The following GLIS3 variants were observed in gnomAD, a reference collection of about 807,000 sequenced individuals.
GLIS3 encodes GLIS family zinc finger 3, also known as zinc finger protein GLIS3.
Under a neutral mutation model 78.6 loss-of-function variants are expected in GLIS3, and 53 were observed. The observed-to-expected ratio is 0.67, with a 90% confidence interval of 0.54 to 0.85. The LOEUF (loss-of-function observed/expected upper bound fraction) is 0.85, where lower values mean the gene tolerates loss of function less well. Among genes scored for constraint, GLIS3 ranks in the 40% least tolerant of loss-of-function variants. The pLI is 0.00. For synonymous variants in GLIS3, 684 were observed against 509.9 expected (o/e 1.34, Z -4.60); for missense variants, 1,703 against 1,231.1 (o/e 1.38, Z -5.74).
the GLIS3 span, among the ~76,000 whole-genome samples, chr9:4,421,276 G>T: frequency 6.6e-6 from 1 of 152,204 alleles, no homozygotes; most frequent in Non-Finnish European, 1.5e-5. Flanking sequence ...GGACAGGAAA[G>T]GGGGTCCATC....
At chr9:4,472,377 A>G in the GLIS3 span, among the ~76,000 whole-genome samples, 3 of 152,236 alleles carry the variant, frequency 2.0e-5, no homozygotes, top group Non-Finnish European at 4.4e-5. Flanking sequence ...TCAATGATAG[A>G]CTGAATTAAG....
rs533455546 is a variant in GLIS3 at position 4,333,582 on chromosome 9, C to G, written n.264+13499G>C. 1.1e-4 allele frequency among the ~76,000 whole-genome samples: 16 copies of G among 152,218 alleles called. No homozygotes were observed. The South Asian group carries it at 3.1e-3, about 30-fold the overall frequency. ...AGTTTCCCAAATTTGATACATGAAA[C>G]AATAGTTCAGAAAAGTGACCTATTC... On this transcript the variant is annotated intron_variant and non_coding_transcript_variant, in intron 2 of 4. Transcript: ENST00000471664.
intron 2 of GLIS3, among the ~76,000 whole-genome samples, chr9:4,232,396 AAAAAAG>A (rs1484636424): frequency 2.7e-5 from 4 of 150,370 alleles, no homozygotes; most frequent in East Asian, 1.9e-4. Context: ...AAAAAAAAAA[AAAAAAG>A]AAAAGAAAAA....
the GLIS3 span, among the ~76,000 whole-genome samples, chr9:4,366,745 G>A: frequency 6.6e-6 from 1 of 152,176 alleles, no homozygotes. Context: ...GTAAGTTCTG[G>A]ACATATGGTT....
At chr9:4,448,741 C>A in the GLIS3 span, among the ~76,000 whole-genome samples, 1 of 152,180 alleles carries the variant, frequency 6.6e-6, no homozygotes, top group South Asian at 2.1e-4. Flanking sequence ...ATCCCTAGCA[C>A]CATGCTGAAT....
At chr9:4,472,705 A>C in the GLIS3 span, among the ~76,000 whole-genome samples, 2 of 152,156 alleles carry the variant, frequency 1.3e-5, no homozygotes, top group African/African-American at 4.8e-5. Context: ...ATGTACACCT[A>C]TGTAACAAAC....
intron 4 of GLIS3, among the ~76,000 whole-genome samples, chr9:4,001,690 GTCA>G (rs1280147199): frequency 1.3e-5 from 2 of 152,142 alleles, no homozygotes; most frequent in South Asian, 2.1e-4. Flanking sequence ...TAAGCAGTCA[GTCA>G]TCATATCTGC....
the GLIS3 span, among the ~76,000 whole-genome samples, chr9:4,422,108 G>A: frequency 3.3e-5 from 5 of 152,304 alleles, no homozygotes; most frequent in Non-Finnish European, 7.4e-5. Flanking sequence ...CACCGCTCAA[G>A]AATTATGGTA....
the GLIS3 span, among the ~76,000 whole-genome samples, chr9:4,448,876 C>T: frequency 0.01 from 1,565 of 152,310 alleles, 26 homozygotes; most frequent in African/African-American, 0.035. Context: ...ATAGGAATAG[C>T]TCCAGTCTGC....
At chr9:4,151,886 G>C (rs1296889677) in intron 2 of GLIS3, among the ~76,000 whole-genome samples, 1 of 152,154 alleles carries the variant, frequency 6.6e-6, no homozygotes. Context: ...TTGAGGTTGA[G>C]ACCCTCAGTC....
chr9:4,226,773 T>G (rs1821805048), intron 2 of GLIS3, among the ~76,000 whole-genome samples: 1 of 152,184 alleles, frequency 6.6e-6, no homozygotes, highest in Non-Finnish European at 1.5e-5. Context: ...AGTAACAATA[T>G]TTATCACATA....
the GLIS3 span, among the ~76,000 whole-genome samples, chr9:4,463,783 C>G: frequency 6.6e-6 from 1 of 152,138 alleles, no homozygotes; most frequent in Non-Finnish European, 1.5e-5. Flanking sequence ...CTCCATTTTT[C>G]TGTTTCTTAT....
At chr9:4,256,551 T>A (rs1563842764) in intron 2 of GLIS3, among the ~76,000 whole-genome samples, 2 of 152,226 alleles carry the variant, frequency 1.3e-5, no homozygotes, top group Non-Finnish European at 2.9e-5. Flanking sequence ...TGGTATGATC[T>A]TTCTGAATGG....
the GLIS3 span, among the ~76,000 whole-genome samples, chr9:4,371,806 T>C: frequency 6.6e-6 from 1 of 152,202 alleles, no homozygotes; most frequent in Non-Finnish European, 1.5e-5. Flanking sequence ...TTAGCCTGGC[T>C]CCAGTTGCCC....
intron 8 of GLIS3, among the ~76,000 whole-genome samples, chr9:3,858,793 T>C (rs1166683305): frequency 6.6e-6 from 1 of 152,108 alleles, no homozygotes; most frequent in African/African-American, 2.4e-5. Flanking sequence ...AGACAATTGC[T>C]AGGAACAAGG....
chr9:3,879,620 G>A, intron 7 of GLIS3, 25 bp from the exon 8 acceptor site: 2 of 1,613,482 alleles, frequency 1.2e-6, no homozygotes, highest in Non-Finnish European at 1.7e-6. Context: ...GAACAAACAT[G>A]AGACCGTGCC....
At chr9:4,364,939 G>C in the GLIS3 span, among the ~76,000 whole-genome samples, 3 of 151,548 alleles carry the variant, frequency 2.0e-5, no homozygotes, top group East Asian at 3.9e-4. Flanking sequence ...GTCTGCTACT[G>C]CACCTGGCAT....
chr9:4,410,108 T>C, the GLIS3 span, among the ~76,000 whole-genome samples: 57 of 151,956 alleles, frequency 3.8e-4, no homozygotes, highest in South Asian at 0.01. Context: ...ATTGCTGGGA[T>C]TACAGAAATG....
chr9:4,039,067 C>T (rs1824573985), intron 4 of GLIS3, among the ~76,000 whole-genome samples: 1 of 152,070 alleles, frequency 6.6e-6, no homozygotes, highest in Non-Finnish European at 1.5e-5. Flanking sequence ...AAAAGGAAAA[C>T]CAATGTAATA....
Sources: allele counts gnomAD v4.1 joint callset (sites outside exome capture counted in the v4.1 genomes callset), GRCh38; gene constraint gnomAD v4.1.1; transcripts MANE v1.5; gene names NCBI Gene and HGNC (gene_info 2026-07-23, HGNC 2026-07-21).